MADD: variants seen among roughly 807,000 people sequenced by gnomAD.
MADD encodes the protein MAP kinase activating death domain.
Under a neutral mutation model 176.7 loss-of-function variants are expected in MADD, and 109 were observed. The observed-to-expected ratio is 0.62, with a 90% CI of 0.53 to 0.72. The LOEUF is 0.72. Ranked by LOEUF, MADD falls within the 30% of genes least tolerant of loss-of-function variation. The pLI, the probability that MADD is intolerant of heterozygous loss-of-function variation, is 0.00. For missense variants in MADD, 1,914 were observed against 2,045.5 expected (o/e 0.94, Z 1.24); for synonymous variants, 771 against 771.3 (o/e 1.00, Z 0.01).
intron 22 of MADD, among the ~76,000 whole-genome samples, chr11:47,297,056 C>G (rs1180499865): frequency 6.6e-6 from 1 of 152,138 alleles, no homozygotes; most frequent in East Asian, 1.9e-4. Flanking sequence ...GCCACTGTGC[C>G]CAGCCTCTGC....
chr11:47,326,534 C>T lies in MADD; in HGVS notation c.4543-204C>T. The T allele has an allele frequency of 7.3e-7, 1 of 1,372,180 alleles. No individual in the cohort carries two copies. The highest frequency in any genetic ancestry group is 9.4e-7 in the Non-Finnish European group (1 of 1,063,756). 85.0% of individuals were successfully genotyped at this position (1,372,180 alleles called of 1,614,324 possible). A position where few individuals can be genotyped will look rare whatever the true frequency, so the allele number is the denominator to read the frequency against. On this transcript the variant is annotated intron_variant, in intron 30 of 32. Coordinates refer to ENST00000402192, the Ensembl canonical transcript of MADD. Reference sequence around the variant, plus strand: ...CTTCATTTCTCTCCCATGCTTTCTCCTCCGGCCAGGAGCGGAAGGTACATG... The same window carrying T: ...CTTCATTTCTCTCCCATGCTTTCTCTTCCGGCCAGGAGCGGAAGGTACATG...
chr11:47,315,376 G>A (rs147862453), intron 27 of MADD, 49 bp downstream of exon 30: 11,301 of 1,099,258 alleles, frequency 0.01, 104 homozygotes, highest in Middle Eastern at 0.033. Context: ...GAGAGTCACA[G>A]GGAACTCATA....
chr11:47,326,574 T>C, intron 30 of MADD, 22 bp downstream of exon 34: 2 of 1,421,754 alleles, frequency 1.4e-6, no homozygotes, highest in South Asian at 1.6e-5. Flanking sequence ...TTCTGCTATC[T>C]TCGCTTCTTA....
chr11:47,279,179 G>A, intron 7 of MADD, 100 bp downstream of exon 7: 1 of 1,158,254 alleles, frequency 8.6e-7, no homozygotes, highest in Non-Finnish European at 1.3e-6. Context: ...CAAACTTCAA[G>A]TGGAGTAGTT....
At position 47,326,813 on chromosome 11, in the gene MADD, T is replaced by TA; in HGVS notation, c.4612+7dup. 1 of 1,614,080 alleles carries TA rather than the reference T, an allele frequency of 6.2e-7. No individual in the cohort carries two copies. Among genetic ancestry groups the TA allele is most frequent in the Non-Finnish European group, 8.5e-7 (1 of 1,179,994 alleles). On this transcript the variant is annotated splice_region_variant and intron_variant, in intron 31 of 32. Transcript: ENST00000402192. The stretch of plus-strand genomic sequence containing the variant: ...CTTTGTCCTGGAGGAATTTGGTAAT[T>TA]ACACTATTTTGCTCTTAGGTCTGGA...
intron 16 of MADD, among the ~76,000 whole-genome samples, 179 bp downstream of exon 17, chr11:47,289,672 G>C (rs942971674): frequency 2.6e-5 from 4 of 152,220 alleles, no homozygotes; most frequent in Non-Finnish European, 5.9e-5. Context: ...TTACAGTGTT[G>C]AGGGGGGTTA....
chr11:47,310,726 G>A (rs954218280), intron 25 of MADD, among the ~76,000 whole-genome samples: 16 of 151,466 alleles, frequency 1.1e-4, no homozygotes, highest in Admixed American at 8.6e-4. Flanking sequence ...GACCAATATG[G>A]TGAAATCCTG....
intron 27 of MADD, among the ~76,000 whole-genome samples, chr11:47,320,166 T>C (rs1374963216): frequency 2.0e-5 from 3 of 151,324 alleles, no homozygotes; most frequent in African/African-American, 7.3e-5. Context: ...TTTAAAAAAA[T>C]ATTACTCATG....
exon 17 of MADD, chr11:47,289,952 C>T (rs17854008): frequency 6.8e-6 from 11 of 1,614,072 alleles, no homozygotes; most frequent in Middle Eastern, 1.7e-4. Flanking sequence ...AAAGGTGCGC[C>T]GGCTGCTGGA....
intron 22 of MADD, among the ~76,000 whole-genome samples, chr11:47,304,185 C>T (rs2080536348): frequency 1.3e-5 from 2 of 150,164 alleles, no homozygotes; most frequent in African/African-American, 4.9e-5. Flanking sequence ...TAGAGTCATT[C>T]TTCTGCTTGA....
intron 21 of MADD, 47 bp downstream of exon 23, chr11:47,295,626 C>T (rs753444161): frequency 6.2e-7 from 1 of 1,612,446 alleles, no homozygotes; most frequent in African/African-American, 1.3e-5. Flanking sequence ...GTGTGGATTT[C>T]CCCTTTGGAA....
chr11:47,274,900 G>A (rs2048317714), exon 3 of MADD: 1 of 1,613,872 alleles, frequency 6.2e-7, no homozygotes, highest in Non-Finnish European at 8.5e-7. Context: ...GGGTGGCACT[G>A]AGAGCTCAGA....
At chr11:47,277,669 C>G (rs762661531) in intron 5 of MADD, among the ~76,000 whole-genome samples, 1 of 152,056 alleles carries the variant, frequency 6.6e-6, no homozygotes, top group African/African-American at 2.4e-5. Flanking sequence ...GCTTTGGGGC[C>G]ATTATTAAGT....
chr11:47,324,074 G>A lies in MADD; in HGVS notation c.4363-191G>A. ...CATCTGTACCCATGCCTTCTTTAAAGCCATACTATTCATATGCTCCGGATC... is the reference window on the plus strand; with the variant it reads ...CATCTGTACCCATGCCTTCTTTAAAACCATACTATTCATATGCTCCGGATC... On this transcript the variant is annotated intron_variant, in intron 28 of 32. Coordinates refer to ENST00000402192, the Ensembl canonical transcript of MADD. 6 of 645,932 alleles carry A rather than the reference G, an allele frequency of 9.3e-6. No homozygotes were observed. The South Asian group carries it at 1.1e-4, about 12-fold the overall frequency. 40.0% of individuals were successfully genotyped at this position (645,932 alleles called of 1,614,324 possible).
chr11:47,288,998 T>TG, intron 15 of MADD: 1 of 1,597,444 alleles, frequency 6.3e-7, no homozygotes, highest in South Asian at 1.1e-5. Flanking sequence ...ATGGAGATTG[T>TG]TACTGAAGCC....
chr11:47,301,559 C>T (rs1166988728), intron 22 of MADD, among the ~76,000 whole-genome samples: 4 of 152,078 alleles, frequency 2.6e-5, no homozygotes, highest in Admixed American at 1.3e-4. Context: ...TTTGATGTGA[C>T]GTTTATTGCT....
intron 31 of MADD, 23 bp downstream of exon 35, chr11:47,326,830 A>G (rs1283707373): frequency 1.2e-6 from 2 of 1,613,724 alleles, no homozygotes; most frequent in African/African-American, 2.7e-5. Flanking sequence ...TTTTGCTCTT[A>G]GGTCTGGACT....
At chr11:47,271,474 A>G (rs1963567394) in intron 1 of MADD, among the ~76,000 whole-genome samples, 1 of 152,196 alleles carries the variant, frequency 6.6e-6, no homozygotes, top group Non-Finnish European at 1.5e-5. Flanking sequence ...TCTGGAAGGA[A>G]ATGATTGTGA....
At chr11:47,320,801 G>A (rs2094337193) in intron 27 of MADD, among the ~76,000 whole-genome samples, 1 of 152,022 alleles carries the variant, frequency 6.6e-6, no homozygotes, top group Non-Finnish European at 1.5e-5. Context: ...GCATGCCTAT[G>A]GTCCTAGCTA....
Sources: gnomAD v4.1 joint callset for allele counts (sites outside exome capture counted in the v4.1 genomes callset) on GRCh38, gnomAD v4.1.1 for gene constraint, MANE v1.5 for transcripts, NCBI Gene and HGNC (gene_info 2026-07-23, HGNC 2026-07-21) for gene names.